Variants in BCAS4 observed in about 807,000 individuals in gnomAD.
BCAS4 encodes the protein breast carcinoma amplified sequence 4, also known as breast carcinoma-amplified sequence 4.
A neutral mutation model predicts 15.7 loss-of-function variants in BCAS4; 9 were observed. That is an observed-to-expected ratio of 0.57 (90% CI 0.34 to 1.00). The LOEUF (loss-of-function observed/expected upper bound fraction) is 1.00. Among genes scored for constraint, BCAS4 ranks in the 50% least tolerant of loss-of-function variants. The pLI, the probability that BCAS4 is intolerant of heterozygous loss-of-function variation, is 0.02. For synonymous variants in BCAS4, 101 were observed against 99.5 expected, an observed-to-expected ratio of 1.02 and a Z score of -0.09; for missense variants, 225 against 239.1, an observed-to-expected ratio of 0.94 and a Z score of 0.39.
At chr20:50,804,112 C>T (rs2087961748) in intron 1 of BCAS4, among the ~76,000 whole-genome samples, 1 of 152,138 alleles carries the variant, frequency 6.6e-6, no homozygotes, top group African/African-American at 2.4e-5. Flanking sequence ...GATCTCAGCT[C>T]ACTGCAACCT....
At chr20:50,806,834 C>A (rs191774556) in intron 1 of BCAS4, among the ~76,000 whole-genome samples, 30 of 147,138 alleles carry the variant, frequency 2.0e-4, no homozygotes, top group Non-Finnish European at 4.0e-4. Flanking sequence ...AAGCATTTGT[C>A]CTTTGAGTTA....
At chr20:50,858,847 C>T (rs1160390627) in intron 4 of BCAS4, among the ~76,000 whole-genome samples, 1 of 151,522 alleles carries the variant, frequency 6.6e-6, no homozygotes, top group Non-Finnish European at 1.5e-5. Flanking sequence ...CCACCTCAGC[C>T]TCCTGAGTAG....
chr20:50,810,611 G>A (rs1228475412), intron 1 of BCAS4, among the ~76,000 whole-genome samples: 13 of 145,366 alleles, frequency 8.9e-5, no homozygotes, highest in Non-Finnish European at 1.8e-4. Context: ...TTTTTGAGAC[G>A]GAGTCGTCTC....
At chr20:50,845,261 A>G (rs74418005) in intron 4 of BCAS4, among the ~76,000 whole-genome samples, 3,686 of 152,012 alleles carry the variant, frequency 0.024, 131 homozygotes, top group African/African-American at 0.083. Context: ...GGTCCATTCT[A>G]TGCCCTCCCT....
chr20:50,832,203 A>T lies in BCAS4; in HGVS notation c.264+1823A>T, dbSNP rs192525092. On this transcript the variant is annotated intron_variant, in intron 3 of 4. Coordinates refer to ENST00000371608, the MANE Select transcript of BCAS4 (RefSeq NM_198799.4). ...TTAAAACAACACACGAGCCTCTCTG[A>T]GCCTACCCTGGCTCAGGACGCTGCC... 3.5e-3 allele frequency among the ~76,000 whole-genome samples: 530 copies of T among 151,946 alleles called. 1 individual carries two copies. Among genetic ancestry groups the T allele is most frequent in the Admixed American group, 6.8e-3 (104 of 15,242 alleles).
At chr20:50,818,019 C>A (rs1042975193) in intron 1 of BCAS4, among the ~76,000 whole-genome samples, 192 bp from the exon 2 acceptor site, 8 of 152,006 alleles carry the variant, frequency 5.3e-5, no homozygotes, top group Non-Finnish European at 7.4e-5. Context: ...TGGCTTTAAC[C>A]AGTCCTCCGT....
In BCAS4 at chr20:50,876,522, C is replaced by T. The variant is rs1282827023; in HGVS notation, c.436C>T (p.Pro146Ser). Residue 146 changes from proline (P) to serine (S), a missense_variant, in exon 5 of 5, where the codon CCC becomes TCC. Pro to Ser is a moderately conservative substitution (Grantham distance 74, BLOSUM62 -1). Transcript: ENST00000371608. ...PAPVPVTYEL[P>S]TLYRTEDYFP... is the part of the protein sequence containing the mutation. ...ACCGGTGCCCGTGACGTACGAGCTGCCCACACTGTATAGGACGGAGGACTA... is the reference window on the plus strand; with the variant it reads ...ACCGGTGCCCGTGACGTACGAGCTGTCCACACTGTATAGGACGGAGGACTA... 4 of 1,613,890 alleles carry T rather than the reference C, an allele frequency of 2.5e-6. No individual in the cohort carries two copies. In the African/African-American group the frequency reaches 4.0e-5, roughly 16 times the overall value.
chr20:50,826,162 A>G (rs2088275903), intron 2 of BCAS4, among the ~76,000 whole-genome samples: 1 of 152,180 alleles, frequency 6.6e-6, no homozygotes, highest in African/African-American at 2.4e-5. Flanking sequence ...TTGCTACATC[A>G]GGGTGATTTT....
At position 50,799,969 on chromosome 20, in the gene BCAS4, C is replaced by A. The variant is rs184796023; in HGVS notation, c.90+4796C>A. Among the ~76,000 whole-genome samples, 607 of 152,276 alleles carry A rather than the reference C, an allele frequency of 4.0e-3. 5 individuals carry two copies. The highest frequency in any genetic ancestry group is 0.014 in the African/African-American group (582 of 41,558). On this transcript the variant is annotated intron_variant, in intron 1 of 4. Coordinates refer to ENST00000371608, the MANE Select transcript of BCAS4 (RefSeq NM_198799.4). ...GGCCGAGATGGGAAGATCACCTGGG[C>A]TCTGGGAGGTGGAGGTTGCAGTGAG...
intron 4 of BCAS4, among the ~76,000 whole-genome samples, chr20:50,871,565 AAGAAG>A (rs1175816485): frequency 6.6e-6 from 1 of 152,248 alleles, no homozygotes. Flanking sequence ...GGCTTAAAGA[AAGAAG>A]AGAATTTTGA....
Position 50,823,264 on chromosome 20 carries a change from C to T in BCAS4, c.162+4982C>T, listed in dbSNP as rs191691241. Among the ~76,000 whole-genome samples the T allele has an allele frequency of 3.0e-3, 463 of 151,930 alleles. 3 individuals carry two copies. The highest frequency in any genetic ancestry group is 6.8e-3 in the African/African-American group (283 of 41,456). On this transcript the variant is annotated intron_variant, in intron 2 of 4. Coordinates refer to ENST00000371608, the MANE Select transcript of BCAS4 (RefSeq NM_198799.4). ...CTGAGGCAGGAGAATCACTTGAACCCGGGAGGCGGAAGTTGCAGTGAGCTG... is the reference window on the plus strand; with the variant it reads ...CTGAGGCAGGAGAATCACTTGAACCTGGGAGGCGGAAGTTGCAGTGAGCTG...
chr20:50,866,750 G>T (rs1979379161), intron 4 of BCAS4, among the ~76,000 whole-genome samples: 1 of 152,184 alleles, frequency 6.6e-6, no homozygotes, highest in South Asian at 2.1e-4. Flanking sequence ...TGCTGGGACA[G>T]TGCAGATGCT....
intron 2 of BCAS4, among the ~76,000 whole-genome samples, chr20:50,821,552 C>T (rs1011386650): frequency 6.6e-6 from 1 of 152,172 alleles, no homozygotes; most frequent in Admixed American, 6.5e-5. Context: ...TTAAGAGCTG[C>T]TTTGAAATCC....
intron 1 of BCAS4, among the ~76,000 whole-genome samples, chr20:50,808,833 T>C (rs1187997686): frequency 6.6e-6 from 1 of 152,234 alleles, no homozygotes; most frequent in African/African-American, 2.4e-5. Flanking sequence ...AGAAGCTTTT[T>C]AGTTTAAGTC....
intron 4 of BCAS4, among the ~76,000 whole-genome samples, chr20:50,843,994 G>A (rs1338433512): frequency 6.6e-6 from 1 of 151,974 alleles, no homozygotes; most frequent in Non-Finnish European, 1.5e-5. Context: ...AAATAGAAAA[G>A]TTAGCTGGGC....
chr20:50,857,940 C>T (rs1978852894), intron 4 of BCAS4, among the ~76,000 whole-genome samples: 1 of 152,086 alleles, frequency 6.6e-6, no homozygotes, highest in Non-Finnish European at 1.5e-5. Flanking sequence ...GCCTGGAGAC[C>T]ACCCCACAGT....
At chr20:50,797,187 C>A (rs2087876045) in intron 1 of BCAS4, among the ~76,000 whole-genome samples, 1 of 152,102 alleles carries the variant, frequency 6.6e-6, no homozygotes, top group African/African-American at 2.4e-5. Context: ...TAATACTGTC[C>A]TGCAACTTGC....
chr20:50,816,635 C>A (rs2088140548), intron 1 of BCAS4, among the ~76,000 whole-genome samples: 1 of 151,980 alleles, frequency 6.6e-6, no homozygotes, highest in South Asian at 2.1e-4. Flanking sequence ...ATGTTAATGT[C>A]CAGCCTGATG....
intron 4 of BCAS4, among the ~76,000 whole-genome samples, chr20:50,859,123 T>C (rs1401057651): frequency 2.0e-5 from 3 of 151,910 alleles, no homozygotes; most frequent in African/African-American, 7.3e-5. Flanking sequence ...TTATTATTAA[T>C]GTAGAGACAA....
Sources: allele counts gnomAD v4.1 joint callset (sites outside exome capture counted in the v4.1 genomes callset), GRCh38; gene constraint gnomAD v4.1.1; transcripts MANE v1.5; gene names NCBI Gene and HGNC (gene_info 2026-07-23, HGNC 2026-07-21).